SUPT20H: variants seen among roughly 807,000 people sequenced by gnomAD.
SUPT20H encodes SPT20 homolog, SAGA complex component, also known as transcription factor SPT20 homolog.
SUPT20H carries 82 observed loss-of-function variants against 122.8 expected under a neutral mutation model. That is an observed-to-expected ratio of 0.67 (90% CI 0.56 to 0.80). The LOEUF is 0.80. SUPT20H is among the 30% of genes least tolerant of loss of function. SUPT20H has a pLI of 0.00. For missense variants in SUPT20H, 831 were observed against 921.6 expected (o/e 0.90, Z 1.27); for synonymous variants, 291 against 313.0 (o/e 0.93, Z 0.74).
rs2059211181 is a variant in SUPT20H at position 37,009,423 on chromosome 13, GTCACTTCCATATATATTA to G, written c.*231_*248del. ...GAAAGATGTTTCTATTATTTCTTAGGTCACTTCCATATATATTATGTATAGTGAAACCATTTTTAAAAA... is the reference window on the plus strand; with the variant it reads ...GAAAGATGTTTCTATTATTTCTTAGGTGTATAGTGAAACCATTTTTAAAAA... On this transcript the variant is annotated 3_prime_UTR_variant, in exon 26 of 26. Transcript: ENST00000350612. 1.3e-6 allele frequency: 1 copy of G among 745,408 alleles called. No individual in the cohort carries two copies. Among genetic ancestry groups the G allele is most frequent in the Non-Finnish European group, 2.2e-6 (1 of 452,988 alleles). The allele number at this position is 745,408 out of a possible 1,614,324, so 46.2% of individuals were successfully genotyped here.
chr13:37,021,398 T>C (rs1366528478), intron 21 of SUPT20H, 50 bp downstream of exon 21: 2 of 1,497,426 alleles, frequency 1.3e-6, no homozygotes, highest in Admixed American at 2.1e-5. Flanking sequence ...ATTTTTACTT[T>C]AGCATATACT....
chr13:37,022,058 C>T lies in SUPT20H; in HGVS notation c.1614G>A (p.Met538Ile). 6.2e-7 allele frequency: 1 copy of T among 1,613,676 alleles called. No homozygotes were observed. The highest frequency in any genetic ancestry group is 8.5e-7 in the Non-Finnish European group (1 of 1,179,754). The change falls in exon 20 of 26, where the codon ATG (methionine) becomes ATA (isoleucine). Residue 538 changes from methionine to isoleucine, a missense_variant. By Grantham distance (10) the Met-to-Ile change is conservative. Coordinates refer to ENST00000350612, the MANE Select transcript of SUPT20H (RefSeq NM_001014286.3). This position sits in a 1 kb window ranked among gnomAD's most constrained non-coding sequence, Gnocchi z 4.5. ...SSQRTTATQV[M>I]ANSAGLNFIN... ...TGAAGTTAAGTCCAGCAGAGTTTGC[C>T]ATGACCTGGGTGGCCGTGGTTCCTG... is the stretch of plus-strand genomic sequence containing the variant.
Position 37,022,275 on chromosome 13 carries a change from G to A in SUPT20H, c.1592-195C>T. On this transcript the variant is annotated intron_variant, in intron 19 of 25. Coordinates refer to ENST00000350612, the MANE Select transcript of SUPT20H (RefSeq NM_001014286.3). The surrounding 1 kb of genome is among the most constrained non-coding windows in gnomAD (Gnocchi z 4.5). ...AGCATCAGGAGGGTGTGGGGTCGAT[G>A]AAGGGGTTGGTGTAGGAGTAGATGG... The A allele has an allele frequency of 6.7e-7, 1 of 1,502,722 alleles. No homozygotes were observed. Among genetic ancestry groups the A allele is most frequent in the Non-Finnish European group, 8.9e-7 (1 of 1,122,790 alleles). The allele number at this position is 1,502,722 out of a possible 1,614,324, so 93.1% of individuals were successfully genotyped here. A position where few individuals can be genotyped will look rare whatever the true frequency, so the allele number is the denominator to read the frequency against.
intron 1 of SUPT20H, chr13:37,056,936 C>T (rs1391218584): frequency 6.6e-6 from 1 of 152,116 alleles, no homozygotes; most frequent in African/African-American, 2.4e-5. Context: ...TTGGAGCTCC[C>T]CAGACGAGTC....
chr13:37,009,742 T>C lies in SUPT20H; in HGVS notation c.2270A>G (p.His757Arg). ...AAAAQTAQLHHHRHTGSQSKS... is the reference protein window; with the variant it reads ...AAAAQTAQLHRHRHTGSQSKS... ...TGACTGGCTGCCTGTATGCCGATGA[T>C]GATGTAGCTGAGCTGTTTGTGCTGC... Residue 757 changes from histidine to arginine, a missense_variant, in exon 26 of 26, where the codon CAT becomes CGT. Physicochemically the swap from His to Arg is conservative, Grantham distance 29. Transcript: ENST00000350612. 2 of 1,614,092 alleles carry C rather than the reference T, an allele frequency of 1.2e-6. No homozygotes were observed. Among genetic ancestry groups the C allele is most frequent in the Non-Finnish European group, 1.7e-6 (2 of 1,179,996 alleles).
chr13:37,051,670 G>T, intron 1 of SUPT20H, 87 bp from the exon 2 acceptor site: 1 of 462,392 alleles, frequency 2.2e-6, no homozygotes, highest in East Asian at 3.3e-5. Flanking sequence ...TAATTAACAA[G>T]GAAAATTACT....
intron 1 of SUPT20H, among the ~76,000 whole-genome samples, chr13:37,056,509 G>T (rs889311159): frequency 2.0e-5 from 3 of 151,920 alleles, no homozygotes; most frequent in African/African-American, 4.8e-5. Flanking sequence ...GCAAACTATC[G>T]CAAGGACAAA....
Position 37,025,430 on chromosome 13 carries a change from T to C in SUPT20H, c.1219A>G (p.Asn407Asp), listed in dbSNP as rs771572445. 22 of 1,611,154 alleles carry C rather than the reference T, an allele frequency of 1.4e-5. No individual in the cohort carries two copies. The highest frequency in any genetic ancestry group is 1.8e-5 in the Non-Finnish European group (21 of 1,177,714). The change falls in exon 17 of 26, where the codon AAT (asparagine) becomes GAT (aspartate). Residue 407 changes from asparagine to aspartate, a missense_variant. Physicochemically the swap from Asn to Asp is conservative, Grantham distance 23. Coordinates refer to ENST00000350612, the MANE Select transcript of SUPT20H (RefSeq NM_001014286.3). ...GSKTDAERVV[N>D]QYQELVQNEA... ...TTCTGGACTAATTCTTGGTACTGATTGACTACCCTAAAATATCAGGAGAAA... is the reference window on the plus strand; with the variant it reads ...TTCTGGACTAATTCTTGGTACTGATCGACTACCCTAAAATATCAGGAGAAA...
chr13:37,036,031 A>C (rs1348083566), intron 9 of SUPT20H, among the ~76,000 whole-genome samples: 3 of 152,218 alleles, frequency 2.0e-5, no homozygotes, highest in Non-Finnish European at 4.4e-5. Context: ...TGAAAGAAAC[A>C]ATCAATGGGG....
chr13:37,021,742 C>A, intron 20 of SUPT20H, 140 bp from the exon 21 acceptor site: 2 of 1,109,748 alleles, frequency 1.8e-6, no homozygotes, highest in Non-Finnish European at 1.2e-6. Context: ...GAAAGTAATG[C>A]AGAAGATAAA....
At chr13:37,025,753 C>G in intron 16 of SUPT20H, 1 of 268,040 alleles carries the variant, frequency 3.7e-6, no homozygotes. Flanking sequence ...TTCTTAGATT[C>G]TGATTAAAGT....
At position 37,032,989 on chromosome 13, in the gene SUPT20H, T is replaced by C. The variant is rs554976188; in HGVS notation, c.707+460A>G. Among the ~76,000 whole-genome samples, 10 of 152,208 alleles carry C rather than the reference T, an allele frequency of 6.6e-5. No homozygotes were observed. In the South Asian group the frequency reaches 1.7e-3, roughly 25 times the overall value. On this transcript the variant is annotated intron_variant, in intron 10 of 25. Coordinates refer to ENST00000350612, the MANE Select transcript of SUPT20H (RefSeq NM_001014286.3). ...AACAATTAAATCAGTCATTCATTAG[T>C]AGGAAAATAATGAAAAAATTATTCT...
At chr13:37,017,154 C>T in intron 23 of SUPT20H, 91 bp downstream of exon 23, 2 of 1,558,490 alleles carry the variant, frequency 1.3e-6, no homozygotes, top group Non-Finnish European at 1.8e-6. Flanking sequence ...GAAATGTTTA[C>T]ACTAACAAAG....
At chr13:37,031,923 C>A (rs374343282) in intron 10 of SUPT20H, 28 bp from the exon 11 acceptor site, 1 of 1,546,918 alleles carries the variant, frequency 6.5e-7, no homozygotes, top group Admixed American at 2.3e-5. Context: ...TTGAACTAAA[C>A]GGCACTAATA....
rs575405282 is a variant in SUPT20H, at chr13:37,043,711, A to G, written c.396+367T>C. On this transcript the variant is annotated intron_variant, in intron 7 of 25. Coordinates refer to ENST00000350612, the MANE Select transcript of SUPT20H (RefSeq NM_001014286.3). ...ACCCACGCTGGAGTGCAGTGGTGCA[A>G]TCACTGCAATTCTGGTTTTCCTCTT... is the stretch of plus-strand genomic sequence containing the variant. Among the ~76,000 whole-genome samples the G allele has an allele frequency of 2.0e-5, 3 of 151,956 alleles. No homozygotes were observed. The East Asian group carries it at 5.9e-4, about 30-fold the overall frequency.
At chr13:37,037,332 G>A (rs2138420821) in intron 9 of SUPT20H, among the ~76,000 whole-genome samples, 1 of 152,292 alleles carries the variant, frequency 6.6e-6, no homozygotes, top group Non-Finnish European at 1.5e-5. Context: ...TGTTGTTCAA[G>A]GTCAACTATA....
intron 3 of SUPT20H, 25 bp from the exon 4 acceptor site, chr13:37,047,961 C>G (rs370374742): frequency 1.2e-4 from 197 of 1,585,692 alleles, no homozygotes; most frequent in Non-Finnish European, 1.5e-4. Context: ...TTTATGAGAA[C>G]AGCTTGCTTT....
Position 37,051,570 on chromosome 13 carries a change from T to A in SUPT20H, c.-80A>T. On this transcript the variant is annotated 5_prime_UTR_variant, in exon 2 of 26. An upstream start codon of the reference 5' UTR is lost. Coordinates refer to ENST00000350612, the MANE Select transcript of SUPT20H (RefSeq NM_001014286.3). The stretch of plus-strand genomic sequence containing the variant: ...TGGGGTGAACACCATGCCTTTAACA[T>A]CAATCTTACAGTACTGAAAAGCAAA... 2.9e-6 allele frequency: 4 copies of A among 1,365,818 alleles called. No homozygotes were observed. In the South Asian group the frequency reaches 3.8e-5, roughly 13 times the overall value. 84.6% of individuals were successfully genotyped at this position (1,365,818 alleles called of 1,614,324 possible). A position where few individuals can be genotyped will look rare whatever the true frequency, so the allele number is the denominator to read the frequency against.
intron 12 of SUPT20H, among the ~76,000 whole-genome samples, chr13:37,030,513 G>A (rs2063110156): frequency 6.6e-6 from 1 of 152,112 alleles, no homozygotes; most frequent in South Asian, 2.1e-4. Context: ...ATGTTTAACT[G>A]ATATCCTAGG....
Sources: allele counts gnomAD v4.1 joint callset (sites outside exome capture counted in the v4.1 genomes callset), GRCh38; gene constraint gnomAD v4.1.1; non-coding constraint Gnocchi (gnomAD v3.1); transcripts MANE v1.5; gene names NCBI Gene and HGNC (gene_info 2026-07-23, HGNC 2026-07-21).